ANGEL2: variants seen among roughly 807,000 people sequenced by gnomAD.
ANGEL2 encodes RNA 2',3'-cyclic phosphatase ANGEL2.
In ANGEL2, 41 loss-of-function variants were observed where a neutral mutation model predicts 66.0. The observed-to-expected ratio is 0.62, with a 90% CI of 0.48 to 0.81. The LOEUF is 0.81. Ranked by LOEUF, ANGEL2 falls within the 30% of genes least tolerant of loss-of-function variation. The pLI is 0.00. For synonymous variants in ANGEL2, 208 were observed against 226.5 expected (o/e 0.92, Z 0.73); for missense variants, 561 against 641.6 (o/e 0.87, Z 1.36).
chr1:212,996,323 A>C (rs1271974882), intron 8 of ANGEL2, among the ~76,000 whole-genome samples: 1 of 151,636 alleles, frequency 6.6e-6, no homozygotes, highest in Non-Finnish European at 1.5e-5. Context: ...AACAAACAAA[A>C]AAATTATATA....
In ANGEL2 at chr1:213,015,676, G is replaced by A. The variant is rs2076626591; in HGVS notation, c.-5C>T. 3.1e-6 allele frequency: 5 copies of A among 1,613,888 alleles called. No individual in the cohort carries two copies. Among genetic ancestry groups the A allele is most frequent in the South Asian group, 1.1e-5 (1 of 91,066 alleles). ...CACACAGCGCCAGGCTTCCATCTTCGCCCTCCGCGTGCGTCCAGTTCCCAG... is the reference window on the plus strand; with the variant it reads ...CACACAGCGCCAGGCTTCCATCTTCACCCTCCGCGTGCGTCCAGTTCCCAG... On this transcript the variant is annotated 5_prime_UTR_variant, in exon 1 of 9. Coordinates refer to ENST00000366962, the MANE Select transcript of ANGEL2 (RefSeq NM_144567.5).
At chr1:213,006,142 G>A (rs1014827109) in intron 4 of ANGEL2, among the ~76,000 whole-genome samples, 5 of 151,976 alleles carry the variant, frequency 3.3e-5, no homozygotes, top group African/African-American at 1.2e-4. Flanking sequence ...AACAGTGCAC[G>A]GTATATAGTA....
In ANGEL2 at chr1:213,000,290, G is replaced by A. The variant is rs761392158; in HGVS notation, c.1319+36C>T. The A allele has an allele frequency of 2.6e-6, 4 of 1,564,806 alleles. No individual in the cohort carries two copies. In the African/African-American group the frequency reaches 5.4e-5, roughly 21 times the overall value. On this transcript the variant is annotated intron_variant, in intron 7 of 8. Coordinates refer to ENST00000366962, the MANE Select transcript of ANGEL2 (RefSeq NM_144567.5). ...GAAATGAGTTTTTTATTCAACTAAA[G>A]TTAGCAAATGTCTCCTTTTGCTTTC... is the stretch of plus-strand genomic sequence containing the variant.
At chr1:213,012,171 G>A (rs1438640029) in intron 2 of ANGEL2, among the ~76,000 whole-genome samples, 1 of 152,162 alleles carries the variant, frequency 6.6e-6, no homozygotes, top group African/African-American at 2.4e-5. Context: ...CAAAACCAGA[G>A]GGAACCTGAA....
Position 213,015,861 on chromosome 1 carries a change from C to T in ANGEL2, c.-190G>A. 3 of 655,774 alleles carry T rather than the reference C, an allele frequency of 4.6e-6. No individual in the cohort carries two copies. Among genetic ancestry groups the T allele is most frequent in the Non-Finnish European group, 7.7e-6 (3 of 389,068 alleles). 40.6% of individuals were successfully genotyped at this position (655,774 alleles called of 1,614,324 possible). ...CACTCCATCTTGCGCAGTCAGAGTCCCTGAATGCCTTAACCCGGAATTCTG... is the reference window on the plus strand; with the variant it reads ...CACTCCATCTTGCGCAGTCAGAGTCTCTGAATGCCTTAACCCGGAATTCTG... On this transcript the variant is annotated 5_prime_UTR_variant, in exon 1 of 9. Coordinates refer to ENST00000366962, the MANE Select transcript of ANGEL2 (RefSeq NM_144567.5).
Position 213,015,609 on chromosome 1 carries a change from T to G in ANGEL2, c.59+4A>C. 4.9e-6 allele frequency: 7 copies of G among 1,429,710 alleles called. No homozygotes were observed. The highest frequency in any genetic ancestry group is 6.6e-6 in the Non-Finnish European group (7 of 1,064,422). 88.6% of individuals were successfully genotyped at this position (1,429,710 alleles called of 1,614,324 possible). A position where few individuals can be genotyped will look rare whatever the true frequency, so the allele number is the denominator to read the frequency against. ...CCTCCCTCCGAGTACCCAGCCCTAC[T>G]GACCGGCCTCTTCCCACCACACAGT... On this transcript the variant is annotated splice_donor_region_variant and intron_variant, in intron 1 of 8. Transcript: ENST00000366962.
In ANGEL2 at chr1:212,992,377, A is replaced by C. The variant is rs1038543596; in HGVS notation, c.*2664T>G. 1 of 152,254 alleles carries C rather than the reference A, an allele frequency of 6.6e-6. No individual in the cohort carries two copies. Among genetic ancestry groups the C allele is most frequent in the African/African-American group, 2.4e-5 (1 of 41,466 alleles). 9.4% of individuals were successfully genotyped at this position (152,254 alleles called of 1,614,324 possible). Reference sequence around the variant, plus strand: ...ATATTATCTTGATAGCAAAAGGTACAGTAAAACCAAAATTTCATTACTCCA... The same window carrying C: ...ATATTATCTTGATAGCAAAAGGTACCGTAAAACCAAAATTTCATTACTCCA... On this transcript the variant is annotated 3_prime_UTR_variant, in exon 9 of 9. Transcript: ENST00000366962.
chr1:212,997,791 G>T (rs1187362157), intron 7 of ANGEL2, among the ~76,000 whole-genome samples: 2 of 151,826 alleles, frequency 1.3e-5, no homozygotes, highest in African/African-American at 4.8e-5. Flanking sequence ...TATTATATTT[G>T]CCCCATGCAC....
chr1:213,004,179 C>T (rs915675904), intron 5 of ANGEL2, among the ~76,000 whole-genome samples: 1 of 150,836 alleles, frequency 6.6e-6, no homozygotes, highest in Non-Finnish European at 1.5e-5. Context: ...TCCAGCCTGG[C>T]GAAAGAGCAA....
At chr1:212,996,636 AAAAAAT>A (rs2076021154) in intron 8 of ANGEL2, among the ~76,000 whole-genome samples, 6 of 41,950 alleles carry the variant, frequency 1.4e-4, no homozygotes, top group Non-Finnish European at 2.8e-4. Flanking sequence ...AAAAAAAAAA[AAAAAAT>A]ATATATATAT....
At chr1:213,009,617 A>C (rs2076442528) in intron 2 of ANGEL2, among the ~76,000 whole-genome samples, 1 of 152,222 alleles carries the variant, frequency 6.6e-6, no homozygotes, top group Non-Finnish European at 1.5e-5. Context: ...TAAAGACTAA[A>C]AGGAAACACA....
intron 5 of ANGEL2, among the ~76,000 whole-genome samples, chr1:213,004,150 C>T (rs147524262): frequency 0.013 from 2,036 of 151,272 alleles, 43 homozygotes; most frequent in African/African-American, 0.047. Context: ...TGCAGTGAGC[C>T]GAGATCCCAC....
Position 212,997,338 on chromosome 1 carries a change from T to C in ANGEL2, c.1320-20A>G, listed in dbSNP as rs769599588. ...GACAATCTAAATAGAAAAGAAGAAG[T>C]GTTTAGAATCCGAGTTTTTGTAACT... On this transcript the variant is annotated intron_variant, in intron 7 of 8. Coordinates refer to ENST00000366962, the MANE Select transcript of ANGEL2 (RefSeq NM_144567.5). 54 of 1,584,046 alleles carry C rather than the reference T, an allele frequency of 3.4e-5. No homozygotes were observed. The highest frequency in any genetic ancestry group is 4.3e-5 in the Non-Finnish European group (50 of 1,158,396).
intron 4 of ANGEL2, among the ~76,000 whole-genome samples, chr1:213,006,141 C>T (rs1185216151): frequency 3.9e-5 from 6 of 151,964 alleles, no homozygotes; most frequent in African/African-American, 9.7e-5. Context: ...GAACAGTGCA[C>T]GGTATATAGT....
chr1:213,004,974 C>T, intron 5 of ANGEL2, 59 bp downstream of exon 5: 1 of 1,319,436 alleles, frequency 7.6e-7, no homozygotes, highest in Non-Finnish European at 1.0e-6. Context: ...ACTATCTTCA[C>T]ATTATCATGA....
In ANGEL2 at chr1:212,992,430, A is replaced by G. The variant is rs932854752; in HGVS notation, c.*2611T>C. The G allele has an allele frequency of 5.3e-5, 8 of 152,256 alleles. No homozygotes were observed. Among genetic ancestry groups the G allele is most frequent in the African/African-American group, 1.9e-4 (8 of 41,470 alleles). 9.4% of individuals were successfully genotyped at this position (152,256 alleles called of 1,614,324 possible). ...GTTTACCTTTCCATTTAAAACTTGG[A>G]TAGTATAACACTTGAGACTGAGAGA... On this transcript the variant is annotated 3_prime_UTR_variant, in exon 9 of 9. Coordinates refer to ENST00000366962, the MANE Select transcript of ANGEL2 (RefSeq NM_144567.5).
intron 1 of ANGEL2, 98 bp downstream of exon 1, chr1:213,015,515 G>GT: frequency 8.0e-7 from 1 of 1,244,584 alleles, no homozygotes. Flanking sequence ...TCCACCCCTA[G>GT]CCCGCCCCGC....
chr1:212,998,415 A>C (rs1022992971), intron 7 of ANGEL2, among the ~76,000 whole-genome samples: 2 of 152,018 alleles, frequency 1.3e-5, no homozygotes, highest in African/African-American at 4.8e-5. Context: ...AAAATAATAA[A>C]TAAAAATAGG....
At chr1:213,001,063 CTTCTT>C (rs2076165790) in intron 5 of ANGEL2, 151 bp from the exon 6 acceptor site, 3 of 685,580 alleles carry the variant, frequency 4.4e-6, no homozygotes, top group South Asian at 2.3e-5. Context: ...CTTATAAAAT[CTTCTT>C]TTCTTTAAAT....
Sources: gnomAD v4.1 joint callset for allele counts (sites outside exome capture counted in the v4.1 genomes callset) on GRCh38, gnomAD v4.1.1 for gene constraint, MANE v1.5 for transcripts, NCBI Gene and HGNC (gene_info 2026-07-23, HGNC 2026-07-21) for gene names.